The following PCSK6 variants were observed in gnomAD, a reference collection of about 807,000 sequenced individuals.
PCSK6 encodes proprotein convertase subtilisin/kexin type 6, also known as paired basic amino acid cleaving enzyme 4.
In PCSK6, 85 loss-of-function variants were observed where a neutral mutation model predicts 123.3. The ratio of observed to expected loss-of-function variants is 0.69; its 90% CI spans 0.58 to 0.83. The LOEUF (loss-of-function observed/expected upper bound fraction) is 0.83. Among genes scored for constraint, PCSK6 ranks in the 40% least tolerant of loss-of-function variants. The probability of loss-of-function intolerance (pLI) is 0.00; values close to 1 mark genes in which losing one functional copy is unlikely to be tolerated. For synonymous variants in PCSK6, 508 were observed against 516.0 expected, an observed-to-expected ratio of 0.98 and a Z score of 0.21; for missense variants, 1,191 against 1,282.3, an observed-to-expected ratio of 0.93 and a Z score of 1.09.
At chr15:101,415,343 C>T (rs1324570488) in intron 6 of PCSK6, among the ~76,000 whole-genome samples, 1 of 152,174 alleles carries the variant, frequency 6.6e-6, no homozygotes, top group Non-Finnish European at 1.5e-5. Flanking sequence ...GGTAGACTGC[C>T]CTTTGAGTTA....
intron 10 of PCSK6, among the ~76,000 whole-genome samples, chr15:101,382,613 C>T (rs2041942114): frequency 6.6e-6 from 1 of 152,180 alleles, no homozygotes; most frequent in Non-Finnish European, 1.5e-5. Flanking sequence ...CACACAATTA[C>T]CACGTGCCCG....
chr15:101,381,491 G>A (rs1450084832), intron 11 of PCSK6, among the ~76,000 whole-genome samples: 1 of 152,176 alleles, frequency 6.6e-6, no homozygotes, highest in East Asian at 1.9e-4. Flanking sequence ...CTCGAGCCTT[G>A]TTAAAAAAAT....
intron 7 of PCSK6, among the ~76,000 whole-genome samples, chr15:101,397,075 G>A (rs982617074): frequency 2.0e-5 from 3 of 152,136 alleles, no homozygotes; most frequent in African/African-American, 7.2e-5. Context: ...AGGAGGCAGA[G>A]GATGCAGTGT....
intron 2 of PCSK6, among the ~76,000 whole-genome samples, chr15:101,435,316 A>AAAG (rs112969845): frequency 1.5e-4 from 20 of 129,728 alleles, no homozygotes; most frequent in African/African-American, 6.5e-4. Context: ...GTCTCAAAAA[A>AAAG]AAAAAGAAAG....
intron 1 of PCSK6, among the ~76,000 whole-genome samples, chr15:101,462,890 G>A (rs558351696): frequency 6.6e-6 from 1 of 152,104 alleles, no homozygotes; most frequent in Non-Finnish European, 1.5e-5. Flanking sequence ...TCAGCCCCAG[G>A]CACATGGCTA....
At chr15:101,378,705 T>C (rs186314821) in intron 11 of PCSK6, among the ~76,000 whole-genome samples, 162 of 152,350 alleles carry the variant, frequency 1.1e-3, no homozygotes, top group South Asian at 2.5e-3. Flanking sequence ...TGATGTTCTC[T>C]ACCCTTCCAG....
At chr15:101,326,745 C>T (rs1024536457) in intron 15 of PCSK6, among the ~76,000 whole-genome samples, 6 of 152,156 alleles carry the variant, frequency 3.9e-5, no homozygotes, top group African/African-American at 7.2e-5. Context: ...AGGGTGGGTA[C>T]GCCACCCGGA....
intron 12 of PCSK6, among the ~76,000 whole-genome samples, chr15:101,367,819 T>C (rs1201387052): frequency 6.6e-6 from 1 of 150,826 alleles, no homozygotes; most frequent in African/African-American, 2.5e-5. Context: ...CAGGGTAGTT[T>C]TTGTTTGTTT....
In PCSK6 at chr15:101,370,318, C is replaced by G; in HGVS notation, c.1721+17G>C. The G allele has an allele frequency of 6.7e-7, 1 of 1,499,932 alleles. No homozygotes were observed. The highest frequency in any genetic ancestry group is 8.9e-7 in the Non-Finnish European group (1 of 1,118,538). The allele number at this position is 1,499,932 out of a possible 1,614,324, so 92.9% of individuals were successfully genotyped here. A position where few individuals can be genotyped will look rare whatever the true frequency, so the allele number is the denominator to read the frequency against. On this transcript the variant is annotated intron_variant, in intron 12 of 21. Coordinates refer to ENST00000611716, the MANE Select transcript of PCSK6 (RefSeq NM_002570.5). Reference sequence around the variant, plus strand: ...TCAGTGAGCCCAGACCCCATCCCCACGCCTGCCTCGCCTTACCTCTTTGCC... The same window carrying G: ...TCAGTGAGCCCAGACCCCATCCCCAGGCCTGCCTCGCCTTACCTCTTTGCC...
At position 101,343,733 on chromosome 15, in the gene PCSK6, T is replaced by A. The variant is rs946364519; in HGVS notation, c.1859-11702A>T. 2.6e-5 allele frequency among the ~76,000 whole-genome samples: 4 copies of A among 152,242 alleles called. No individual in the cohort carries two copies. In the East Asian group the frequency reaches 7.7e-4, roughly 29 times the overall value. On this transcript the variant is annotated intron_variant, in intron 13 of 21. Coordinates refer to ENST00000611716, the MANE Select transcript of PCSK6 (RefSeq NM_002570.5). ...TATGCTACCAATCCTTGGAAATCCA[T>A]CGAAGCTTGCCAAATGGCTCGACAT...
At chr15:101,467,742 A>C (rs966622552) in intron 1 of PCSK6, among the ~76,000 whole-genome samples, 3 of 152,218 alleles carry the variant, frequency 2.0e-5, no homozygotes, top group African/African-American at 7.2e-5. Flanking sequence ...ACGATGTTAA[A>C]CTGGGGGGAG....
intron 1 of PCSK6, among the ~76,000 whole-genome samples, chr15:101,476,568 A>G (rs1040579004): frequency 2.1e-4 from 32 of 152,080 alleles, no homozygotes; most frequent in African/African-American, 7.7e-4. Context: ...ATATTAAAAA[A>G]AAAAAAAACA....
chr15:101,376,300 A>C (rs1465350711), intron 11 of PCSK6, among the ~76,000 whole-genome samples: 1 of 152,102 alleles, frequency 6.6e-6, no homozygotes, highest in Non-Finnish European at 1.5e-5. Flanking sequence ...AAATGGCCCC[A>C]AGTGCAGTGC....
At chr15:101,410,973 A>G (rs2055660792) in intron 6 of PCSK6, among the ~76,000 whole-genome samples, 2 of 152,204 alleles carry the variant, frequency 1.3e-5, no homozygotes, top group Admixed American at 1.3e-4. Context: ...ACCACAGTGA[A>G]AAGACTCAAG....
intron 13 of PCSK6, among the ~76,000 whole-genome samples, chr15:101,350,606 G>A (rs10152458): frequency 1.3e-5 from 2 of 152,034 alleles, no homozygotes; most frequent in South Asian, 2.1e-4. Context: ...CAATTAGACC[G>A]GGGGGCCTCT....
chr15:101,327,661 G>A (rs1377947969), intron 15 of PCSK6, among the ~76,000 whole-genome samples: 2 of 152,182 alleles, frequency 1.3e-5, no homozygotes, highest in Non-Finnish European at 2.9e-5. Context: ...TTGAGGAAAA[G>A]ACAAAAGTCC....
intron 1 of PCSK6, among the ~76,000 whole-genome samples, chr15:101,481,008 C>T (rs1013692975): frequency 6.6e-6 from 1 of 152,206 alleles, no homozygotes; most frequent in African/African-American, 2.4e-5. Context: ...ATTTTCTTAT[C>T]TCTAAGTGCC....
At chr15:101,451,101 T>A (rs1486837526) in intron 1 of PCSK6, among the ~76,000 whole-genome samples, 1 of 151,832 alleles carries the variant, frequency 6.6e-6, no homozygotes, top group Non-Finnish European at 1.5e-5. Flanking sequence ...TTTCTTTAAA[T>A]GTGAATGTAG....
intron 14 of PCSK6, 57 bp from the exon 15 acceptor site, chr15:101,331,746 A>G: frequency 1.2e-6 from 2 of 1,601,538 alleles, no homozygotes; most frequent in East Asian, 4.5e-5. Context: ...GAGACACACA[A>G]CCATCAGCCC....
Sources: allele counts gnomAD v4.1 joint callset (sites outside exome capture counted in the v4.1 genomes callset), GRCh38; gene constraint gnomAD v4.1.1; transcripts MANE v1.5; gene names NCBI Gene and HGNC (gene_info 2026-07-23, HGNC 2026-07-21).